KCNMA1: variants seen among roughly 807,000 people sequenced by gnomAD.
KCNMA1 encodes potassium calcium-activated channel subfamily M alpha 1.
In KCNMA1, 29 loss-of-function variants were observed where a neutral mutation model predicts 140.0. That is an observed-to-expected ratio of 0.21 (90% confidence interval 0.15 to 0.28). KCNMA1 has a LOEUF of 0.28. KCNMA1 is among the 10% of genes least tolerant of loss of function. KCNMA1 has a pLI of 1.00. For missense variants in KCNMA1, 880 were observed against 1,602.2 expected (o/e 0.55, Z 7.70); for synonymous variants, 612 against 611.9 (o/e 1.00, Z 0.00).
At chr10:76,894,494 T>TA (rs2041636534) in intron 25 of KCNMA1, among the ~76,000 whole-genome samples, 1 of 152,110 alleles carries the variant, frequency 6.6e-6, no homozygotes, top group African/African-American at 2.4e-5. Context: ...CATAAAAATT[T>TA]AAAAAATATT....
At chr10:77,055,400 T>G (rs1339876991) in intron 14 of KCNMA1, among the ~76,000 whole-genome samples, 2 of 152,168 alleles carry the variant, frequency 1.3e-5, no homozygotes, top group African/African-American at 4.8e-5. Flanking sequence ...ATAGTAGAAC[T>G]AACTAATGCG....
At chr10:77,576,402 A>G (rs2074102653) in intron 1 of KCNMA1, among the ~76,000 whole-genome samples, 1 of 152,150 alleles carries the variant, frequency 6.6e-6, no homozygotes, top group Non-Finnish European at 1.5e-5. Flanking sequence ...TCTCCCTACG[A>G]AACAATCCCC....
intron 16 of KCNMA1, among the ~76,000 whole-genome samples, chr10:77,026,385 C>T (rs922936820): frequency 3.9e-5 from 6 of 152,166 alleles, no homozygotes. Context: ...TTTGCGATTT[C>T]GCAACACGGG....
chr10:76,960,851 G>T (rs1372884349), intron 20 of KCNMA1, among the ~76,000 whole-genome samples: 2 of 151,824 alleles, frequency 1.3e-5, no homozygotes, highest in Non-Finnish European at 2.9e-5. Flanking sequence ...ATGATCTACT[G>T]AATATTTTAA....
intron 24 of KCNMA1, chr10:76,912,521 G>A (rs1168288727): frequency 6.6e-6 from 1 of 152,298 alleles, no homozygotes; most frequent in East Asian, 1.9e-4. Flanking sequence ...TAGAGAAATA[G>A]GTTTCAAGGC....
At chr10:77,590,345 G>T (rs1376933822) in intron 1 of KCNMA1, among the ~76,000 whole-genome samples, 1 of 152,194 alleles carries the variant, frequency 6.6e-6, no homozygotes, top group Non-Finnish European at 1.5e-5. Flanking sequence ...GGCGCTCCTC[G>T]GGGAGGCTCG....
chr10:77,507,519 G>A (rs1202449917), intron 1 of KCNMA1, among the ~76,000 whole-genome samples: 1 of 152,196 alleles, frequency 6.6e-6, no homozygotes, highest in Non-Finnish European at 1.5e-5. Flanking sequence ...TCCATGAACT[G>A]ACTGTTCTTT....
At chr10:76,888,094 A>G (rs1196590840) in intron 27 of KCNMA1, 2 of 164,828 alleles carry the variant, frequency 1.2e-5, no homozygotes, top group East Asian at 3.4e-4. Context: ...GGTCAACAGC[A>G]GATGTGACTA....
intron 1 of KCNMA1, among the ~76,000 whole-genome samples, chr10:77,596,598 G>T (rs2154565693): frequency 1.3e-5 from 2 of 152,304 alleles, no homozygotes; most frequent in Middle Eastern, 6.8e-3. Context: ...CGCACAAGAA[G>T]GGATGCTATG....
At chr10:77,380,884 A>T (rs1167017214) in intron 2 of KCNMA1, among the ~76,000 whole-genome samples, 1 of 152,226 alleles carries the variant, frequency 6.6e-6, no homozygotes, top group African/African-American at 2.4e-5. Flanking sequence ...GGTGAAATGA[A>T]ATGACTTTTC....
chr10:76,930,001 T>C (rs554342256), intron 23 of KCNMA1: 5 of 152,284 alleles, frequency 3.3e-5, no homozygotes, highest in Admixed American at 2.0e-4. Flanking sequence ...AAGACTTGAA[T>C]GTAAAATCTG....
intron 1 of KCNMA1, among the ~76,000 whole-genome samples, chr10:77,457,473 C>T (rs538586928): frequency 3.9e-4 from 59 of 152,236 alleles, no homozygotes; most frequent in African/African-American, 1.4e-3. Context: ...TCTGTAGTTC[C>T]AGCATCCGCC....
At chr10:77,186,371 C>T (rs1421546844) in intron 3 of KCNMA1, among the ~76,000 whole-genome samples, 1 of 136,314 alleles carries the variant, frequency 7.3e-6, no homozygotes, top group Non-Finnish European at 1.6e-5. Context: ...CAAAAAAAAA[C>T]AAAAAACAAA....
Position 77,637,482 on chromosome 10 carries a change from G to A in KCNMA1, c.161C>T (p.Ser54Phe), listed in dbSNP as rs765445169. ...SSSSSSSSSS[S>F]SSSSSSVHEP... Reference sequence around the variant, plus strand: ...GTGGACCGAGGACGAGGAGGAAGAGGAGGAGGAAGAAGAAGAAGAGGAAGA... The same window carrying A: ...GTGGACCGAGGACGAGGAGGAAGAGAAGGAGGAAGAAGAAGAAGAGGAAGA... The change falls in exon 1 of 28, where the codon TCC (serine) becomes TTC (phenylalanine). Residue 54 changes from serine to phenylalanine, a missense_variant. By Grantham distance (155) the Ser-to-Phe change is radical (BLOSUM62 -2). Transcript: ENST00000286628. The A allele has an allele frequency of 6.2e-6, 10 of 1,605,378 alleles. No individual in the cohort carries two copies. Among genetic ancestry groups the A allele is most frequent in the East Asian group, 2.2e-5 (1 of 44,612 alleles).
intron 15 of KCNMA1, among the ~76,000 whole-genome samples, chr10:77,030,418 TTAAG>T (rs1395818438): frequency 6.6e-6 from 1 of 152,198 alleles, no homozygotes; most frequent in Non-Finnish European, 1.5e-5. Context: ...AATTACCAAA[TTAAG>T]TAACCACTTT....
intron 1 of KCNMA1, among the ~76,000 whole-genome samples, chr10:77,631,884 A>C (rs988450123): frequency 6.6e-6 from 1 of 152,194 alleles, no homozygotes; most frequent in East Asian, 1.9e-4. Context: ...AAGGCTCCCA[A>C]AGGGAGGCCA....
chr10:77,111,612 C>T (rs1033690295), intron 7 of KCNMA1, among the ~76,000 whole-genome samples: 2 of 152,138 alleles, frequency 1.3e-5, no homozygotes, highest in Non-Finnish European at 2.9e-5. Context: ...CACTGCCATC[C>T]CAGGCCTGTC....
chr10:77,158,916 G>A (rs1428855168), intron 5 of KCNMA1, among the ~76,000 whole-genome samples: 1 of 152,174 alleles, frequency 6.6e-6, no homozygotes, highest in African/African-American at 2.4e-5. Flanking sequence ...ACCCCATGCT[G>A]CAAGAACTGT....
intron 14 of KCNMA1, among the ~76,000 whole-genome samples, chr10:77,054,314 A>C (rs1043809524): frequency 6.6e-6 from 1 of 152,220 alleles, no homozygotes; most frequent in Non-Finnish European, 1.5e-5. Flanking sequence ...AATCAACAGA[A>C]GCTTCTTAAG....
Sources: gnomAD v4.1 joint callset for allele counts (sites outside exome capture counted in the v4.1 genomes callset) on GRCh38, gnomAD v4.1.1 for gene constraint, MANE v1.5 for transcripts, NCBI Gene and HGNC (gene_info 2026-07-23, HGNC 2026-07-21) for gene names.